The following UGT2B10 variants were observed in gnomAD, a reference collection of about 807,000 sequenced individuals.
UGT2B10 encodes UDP-glucuronosyltransferase 2B10.
In UGT2B10, 51 loss-of-function variants were observed where a neutral mutation model predicts 43.7. The ratio of observed to expected loss-of-function variants is 1.17; its 90% CI spans 0.93 to 1.47. The LOEUF (loss-of-function observed/expected upper bound fraction) is 1.47. Among genes scored for constraint, UGT2B10 ranks in the 40% most tolerant of loss-of-function variants. UGT2B10 has a pLI of 0.00. For synonymous variants in UGT2B10, 225 were observed against 209.0 expected, an observed-to-expected ratio of 1.08 and a Z score of -0.66; for missense variants, 696 against 617.7, an observed-to-expected ratio of 1.13 and a Z score of -1.34.
chr4:68,827,800 A>G (rs1737875607), intron 5 of UGT2B10, among the ~76,000 whole-genome samples: 1 of 151,934 alleles, frequency 6.6e-6, no homozygotes, highest in Admixed American at 6.6e-5. Flanking sequence ...TAGATAATAT[A>G]AAAAAATACA....
chr4:68,821,033 T>G (rs1232611890), intron 2 of UGT2B10, among the ~76,000 whole-genome samples: 1 of 152,056 alleles, frequency 6.6e-6, no homozygotes, highest in African/African-American at 2.4e-5. Flanking sequence ...GTAACTGCAA[T>G]CACACACAAT....
At chr4:68,824,572 C>T (rs13132114) in intron 3 of UGT2B10, among the ~76,000 whole-genome samples, 1 of 152,156 alleles carries the variant, frequency 6.6e-6, no homozygotes, top group Non-Finnish European at 1.5e-5. Context: ...CAATTACTTT[C>T]TAATTTCCTA....
chr4:68,819,097 A>C (rs577949275), intron 2 of UGT2B10, among the ~76,000 whole-genome samples: 10 of 152,108 alleles, frequency 6.6e-5, no homozygotes, highest in African/African-American at 2.4e-4. Context: ...TACATTTACA[A>C]AAATAGTGCC....
intron 3 of UGT2B10, among the ~76,000 whole-genome samples, chr4:68,823,345 A>C (rs1400817626): frequency 2.0e-5 from 3 of 151,996 alleles, no homozygotes; most frequent in Admixed American, 6.6e-5. Flanking sequence ...GTCTCTACTA[A>C]AGATACAAAA....
intron 2 of UGT2B10, among the ~76,000 whole-genome samples, chr4:68,818,761 A>G (rs1490695790): frequency 2.0e-5 from 3 of 151,830 alleles, no homozygotes; most frequent in Non-Finnish European, 2.9e-5. Context: ...GGGAAAGCAG[A>G]TAAAGTGGTC....
chr4:68,828,942 A>G (rs1344485828), intron 5 of UGT2B10, among the ~76,000 whole-genome samples: 1 of 152,180 alleles, frequency 6.6e-6, no homozygotes, highest in Non-Finnish European at 1.5e-5. Flanking sequence ...TTAACAAAAT[A>G]CACTTCAAAT....
chr4:68,827,696 T>A (rs1172869561), intron 5 of UGT2B10, 148 bp downstream of exon 5: 137 of 1,358,442 alleles, frequency 1.0e-4, no homozygotes, highest in Non-Finnish European at 1.3e-4. Flanking sequence ...TTACTTTTTA[T>A]CTGTTATTTA....
chr4:68,826,606 G>A, intron 4 of UGT2B10, 109 bp downstream of exon 4: 3 of 1,317,444 alleles, frequency 2.3e-6, no homozygotes, highest in Non-Finnish European at 3.1e-6. Context: ...AAACAAAAAA[G>A]AACTTCTTTA....
At chr4:68,818,006 C>G in intron 1 of UGT2B10, 23 bp from the exon 2 acceptor site, 1 of 1,595,494 alleles carries the variant, frequency 6.3e-7, no homozygotes, top group Non-Finnish European at 8.5e-7. Flanking sequence ...TCATCCACTT[C>G]TTCTTTTCTT....
At chr4:68,820,371 A>G (rs532857988) in intron 2 of UGT2B10, among the ~76,000 whole-genome samples, 2 of 152,232 alleles carry the variant, frequency 1.3e-5, no homozygotes, top group South Asian at 4.1e-4. Flanking sequence ...GACACTTGAC[A>G]AAATGTATCA....
intron 1 of UGT2B10, 93 bp from the exon 2 acceptor site, chr4:68,817,936 C>A (rs567105903): frequency 6.9e-7 from 1 of 1,454,446 alleles, no homozygotes; most frequent in Non-Finnish European, 9.2e-7. Flanking sequence ...ACTTTACCAA[C>A]ATTTTTGCCT....
intron 2 of UGT2B10, among the ~76,000 whole-genome samples, chr4:68,821,819 G>T (rs1433041367): frequency 6.6e-6 from 1 of 152,040 alleles, no homozygotes; most frequent in Admixed American, 6.6e-5. Flanking sequence ...ACCACTAATG[G>T]CTTCAAACTA....
chr4:68,818,748 A>G (rs1240491992), intron 2 of UGT2B10, among the ~76,000 whole-genome samples: 1 of 151,836 alleles, frequency 6.6e-6, no homozygotes, highest in African/African-American at 2.4e-5. Context: ...AGACAGACAA[A>G]AAGGGAAAGC....
In UGT2B10 at chr4:68,816,140, A is replaced by C. The variant is rs748513326; in HGVS notation, c.121A>C (p.Ile41Leu). ...CAGCCTTTGGATGAATATGAAGACA[A>C]TCCTGAAAGAACTTGTTCAGAGAGG... is the stretch of plus-strand genomic sequence containing the variant. ...EYSLWMNMKTILKELVQRGHE... is the reference protein window; with the variant it reads ...EYSLWMNMKTLLKELVQRGHE... Residue 41 changes from isoleucine to leucine, a missense_variant, in exon 1 of 6, where the codon ATC (isoleucine) becomes CTC (leucine). Coordinates refer to ENST00000265403, the MANE Select transcript of UGT2B10 (RefSeq NM_001075.6). 1 of 1,613,274 alleles carries C rather than the reference A, an allele frequency of 6.2e-7. No individual in the cohort carries two copies.
chr4:68,825,067 C>CTTGCTATT (rs1240206701), intron 3 of UGT2B10, among the ~76,000 whole-genome samples: 1 of 151,934 alleles, frequency 6.6e-6, no homozygotes, highest in Non-Finnish European at 1.5e-5. Context: ...ATTTTATAGA[C>CTTGCTATT]TTGCTATTTT....
chr4:68,826,773 C>A (rs2109700237), intron 4 of UGT2B10, among the ~76,000 whole-genome samples: 1 of 152,228 alleles, frequency 6.6e-6, no homozygotes, highest in East Asian at 1.9e-4. Flanking sequence ...GGCTGTCCCT[C>A]TGTCTCCTGT....
At position 68,831,004 on chromosome 4, in the gene UGT2B10, C is replaced by A. The variant is rs1738073009; in HGVS notation, c.*125C>A. 3 of 1,332,476 alleles carry A rather than the reference C, an allele frequency of 2.3e-6. No individual in the cohort carries two copies. The highest frequency in any genetic ancestry group is 3.1e-5 in the South Asian group (2 of 63,890). 82.5% of individuals were successfully genotyped at this position (1,332,476 alleles called of 1,614,324 possible). A position where few individuals can be genotyped will look rare whatever the true frequency, so the allele number is the denominator to read the frequency against. ...CAAAAAAAAATCCTTTCGAAGTCTA[C>A]CTTGTCAAGTAAAAATTTGTTTTTC... On this transcript the variant is annotated 3_prime_UTR_variant, in exon 6 of 6. Transcript: ENST00000265403.
chr4:68,822,534 T>C (rs1737562212), intron 3 of UGT2B10, 132 bp downstream of exon 3: 7 of 1,548,688 alleles, frequency 4.5e-6, no homozygotes, highest in Admixed American at 2.2e-5. Context: ...TATGCTTGTA[T>C]AGCATCCACT....
Position 68,830,824 on chromosome 4 carries a change from G to C in UGT2B10, c.1532G>C (p.Cys511Ser). 6.2e-7 allele frequency: 1 copy of C among 1,613,128 alleles called. No individual in the cohort carries two copies. The highest frequency in any genetic ancestry group is 8.5e-7 in the Non-Finnish European group (1 of 1,179,442). The part of the protein sequence containing the change: ...ATVLFIITKC[C>S]LFCFWKFARK... ...GTGCTATTTATCATCACAAAGTGTT[G>C]TCTGTTTTGTTTCTGGAAGTTTGCT... The change falls in exon 6 of 6, where the codon TGT (cysteine) becomes TCT (serine). Residue 511 changes from cysteine (C) to serine (S), a missense_variant. Transcript: ENST00000265403.
Sources: gnomAD v4.1 joint callset for allele counts (sites outside exome capture counted in the v4.1 genomes callset) on GRCh38, gnomAD v4.1.1 for gene constraint, MANE v1.5 for transcripts, NCBI Gene and HGNC (gene_info 2026-07-23, HGNC 2026-07-21) for gene names.